Variants in FMR1 observed in about 807,000 individuals in gnomAD.
The protein encoded by FMR1 is fragile X messenger ribonucleoprotein 1.
FMR1 carries 13 observed loss-of-function variants against 50.6 expected under a neutral mutation model. That is an observed-to-expected ratio of 0.26 (90% CI 0.17 to 0.41). FMR1 has a LOEUF of 0.41. Among genes scored for constraint, FMR1 ranks in the 10% least tolerant of loss-of-function variants. The pLI, the probability that FMR1 is intolerant of heterozygous loss-of-function variation, is 1.00. For missense variants in FMR1, 316 were observed against 491.3 expected (o/e 0.64, Z 3.37); for synonymous variants, 138 against 164.1 (o/e 0.84, Z 1.22).
chrX:147,919,175 A>G (rs1557175963), intron 1 of FMR1, among the ~76,000 whole-genome samples: 1 of 111,994 alleles, frequency 8.9e-6, no homozygotes, highest in East Asian at 2.8e-4. Context: ...GTTACTTCCT[A>G]ATAGGTGTCT....
At chrX:147,937,634 A>G (rs781919601) in intron 11 of FMR1, 34 bp downstream of exon 11, 32 of 686,966 alleles carry the variant, frequency 4.7e-5, no homozygotes, top group Middle Eastern at 6.5e-4. Context: ...ATTACAATAC[A>G]AGTAATTTGT....
At chrX:147,945,748 A>G (rs1229351105) in intron 16 of FMR1, 132 bp downstream of exon 16, 1 of 523,882 alleles carries the variant, frequency 1.9e-6, no homozygotes, top group Non-Finnish European at 3.3e-6. Flanking sequence ...TTTACCTTCA[A>G]CATTACAATT....
intron 13 of FMR1, among the ~76,000 whole-genome samples, chrX:147,942,117 G>A (rs1262583821): frequency 8.9e-6 from 1 of 112,659 alleles, no homozygotes; most frequent in Non-Finnish European, 1.9e-5. Flanking sequence ...GAGCACAGAT[G>A]AAACGGACCA....
chrX:147,919,896 C>A (rs782749018), intron 1 of FMR1, among the ~76,000 whole-genome samples: 8 of 112,209 alleles, frequency 7.1e-5, no homozygotes, highest in African/African-American at 2.3e-4. Flanking sequence ...TTAAAATAAT[C>A]TTTTTATATC....
intron 13 of FMR1, 98 bp from the exon 14 acceptor site, chrX:147,943,033 G>T (rs1400184268): frequency 5.6e-6 from 4 of 709,331 alleles, no homozygotes; most frequent in Non-Finnish European, 8.7e-6. Context: ...AACTGAAATT[G>T]AAATATTCCA....
At chrX:147,918,299 G>A (rs1170404456) in intron 1 of FMR1, among the ~76,000 whole-genome samples, 2 of 111,766 alleles carry the variant, frequency 1.8e-5, no homozygotes, top group Non-Finnish European at 3.8e-5. Context: ...TGTCCTTCAC[G>A]CGAGTGTAGA....
intron 2 of FMR1, 69 bp downstream of exon 2, chrX:147,922,054 T>A (rs1227917072): frequency 1.5e-6 from 1 of 682,132 alleles, no homozygotes; most frequent in Non-Finnish European, 2.3e-6. Flanking sequence ...TACTCTTCAT[T>A]TTTTAAAAAT....
intron 13 of FMR1, among the ~76,000 whole-genome samples, chrX:147,942,610 GTA>G (rs2124563817): frequency 8.9e-6 from 1 of 112,263 alleles, no homozygotes; most frequent in South Asian, 3.7e-4. Flanking sequence ...CTTAACCATA[GTA>G]TATGTTCTTT....
chrX:147,930,702 T>C lies in FMR1; in HGVS notation c.630+458T>C, dbSNP rs190383146. On this transcript the variant is annotated intron_variant, in intron 7 of 16. Transcript: ENST00000370475. ...GCCAGAGGCTATTTCCCTAACTTAC[T>C]ATTTTGTCTCTTAAGGTGCATTTTA... Among the ~76,000 whole-genome samples the C allele has an allele frequency of 1.3e-4, 15 of 112,164 alleles. No individual in the cohort carries two copies. In the East Asian group the frequency reaches 3.6e-3, roughly 27 times the overall value.
intron 7 of FMR1, among the ~76,000 whole-genome samples, chrX:147,931,784 C>T (rs782464113): frequency 1.1e-4 from 12 of 111,663 alleles, no homozygotes; most frequent in African/African-American, 3.6e-4. Context: ...CTCATGTTAG[C>T]TTTCAGATGC....
chrX:147,925,311 A>C (rs1373795723), intron 2 of FMR1, among the ~76,000 whole-genome samples: 1 of 112,045 alleles, frequency 8.9e-6, no homozygotes, highest in East Asian at 2.8e-4. Flanking sequence ...TTGTGTTTAG[A>C]GAAATATTCC....
intron 15 of FMR1, 150 bp from the exon 16 acceptor site, chrX:147,945,384 A>G (rs960814737): frequency 1.4e-5 from 7 of 515,129 alleles, no homozygotes; most frequent in Non-Finnish European, 2.4e-5. Flanking sequence ...AGCAGGCTAG[A>G]TTATTAGCCA....
intron 16 of FMR1, 185 bp downstream of exon 16, chrX:147,945,801 G>A (rs187838421): frequency 3.9e-5 from 17 of 440,149 alleles, no homozygotes; most frequent in African/African-American, 3.2e-4. Flanking sequence ...CAAATAAGAG[G>A]ATTTCTCTAG....
At chrX:147,929,543 C>A (rs1557178245) in intron 5 of FMR1, among the ~76,000 whole-genome samples, 1 of 107,972 alleles carries the variant, frequency 9.3e-6, no homozygotes, top group African/African-American at 3.4e-5. Flanking sequence ...ATCTCATATG[C>A]CCCATAAATA....
chrX:147,949,751 G>C lies in FMR1; in HGVS notation c.*907G>C, dbSNP rs2044277048. ...GGTCGAAAGTTAGTAGGATATGCCT[G>C]CTCTTTGGCCTGATGACCAATTTTA... On this transcript the variant is annotated 3_prime_UTR_variant, in exon 17 of 17. Transcript: ENST00000370475. 2 of 328,398 alleles carry C rather than the reference G, an allele frequency of 6.1e-6. No homozygotes were observed. The highest frequency in any genetic ancestry group is 1.2e-5 in the Non-Finnish European group (2 of 169,672). 27.1% of individuals were successfully genotyped at this position (328,398 alleles called of 1,213,427 possible).
chrX:147,937,040 T>C (rs1353526052), intron 10 of FMR1, among the ~76,000 whole-genome samples: 6 of 111,799 alleles, frequency 5.4e-5, no homozygotes, highest in African/African-American at 2.0e-4. Flanking sequence ...GTGTAGTATG[T>C]GTGTTTATTC....
At chrX:147,935,211 T>C (rs1220262886) in intron 9 of FMR1, among the ~76,000 whole-genome samples, 1 of 111,773 alleles carries the variant, frequency 8.9e-6, no homozygotes, top group Non-Finnish European at 1.9e-5. Flanking sequence ...AGAACAGAAA[T>C]AATTGACAGA....
At position 147,950,127 on chromosome X, in the gene FMR1, CCTTCACTCTA is replaced by C; in HGVS notation, c.*1284_*1293del. ...TTATTGAGGAAAAATATGTGAAGGACCTTCACTCTAAGATGTTATATTTTTCTTAAAAAGT... is the reference window on the plus strand; with the variant it reads ...TTATTGAGGAAAAATATGTGAAGGACAGATGTTATATTTTTCTTAAAAAGT... On this transcript the variant is annotated 3_prime_UTR_variant, in exon 17 of 17. Coordinates refer to ENST00000370475, the MANE Select transcript of FMR1 (RefSeq NM_002024.6). The C allele has an allele frequency of 9.2e-6, 3 of 324,342 alleles. No homozygotes were observed. The highest frequency in any genetic ancestry group is 1.8e-5 in the Non-Finnish European group (3 of 168,790). 26.7% of individuals were successfully genotyped at this position (324,342 alleles called of 1,213,427 possible).
At position 147,929,980 on chromosome X, in the gene FMR1, A is replaced by C. The variant is rs1557178372; in HGVS notation, c.452A>C (p.Lys151Thr). ...AAAGAGGCGGCACATAAGGATTTTA[A>C]AAAGGCAGTTGGTGCCTTTTCTGTA... is the stretch of plus-strand genomic sequence containing the variant. ...CAKEAAHKDF[K>T]KAVGAFSVTY... The change falls in exon 6 of 17, where the codon AAA (lysine) becomes ACA (threonine). Residue 151 changes from lysine to threonine, a missense_variant. This residue lies in a region of FMR1 where 124 missense variants were observed against 238.1 expected (regional missense o/e 0.52). Coordinates refer to ENST00000370475, the MANE Select transcript of FMR1 (RefSeq NM_002024.6). 8.3e-7 allele frequency: 1 copy of C among 1,208,054 alleles called. No individual in the cohort carries two copies. Among genetic ancestry groups the C allele is most frequent in the Non-Finnish European group, 1.1e-6 (1 of 892,241 alleles).
Sources: allele counts gnomAD v4.1 joint callset (sites outside exome capture counted in the v4.1 genomes callset), GRCh38; gene constraint gnomAD v4.1.1; regional missense constraint gnomAD v4.1.1; transcripts MANE v1.5; gene names NCBI Gene and HGNC (gene_info 2026-07-23, HGNC 2026-07-21).